The following MLIP variants were observed in gnomAD, a reference collection of about 807,000 sequenced individuals.
The protein encoded by MLIP is muscular LMNA interacting protein, also known as muscular LMNA-interacting protein.
Under a neutral mutation model 84.8 loss-of-function variants are expected in MLIP, and 79 were observed. The observed-to-expected ratio is 0.93, with a 90% confidence interval of 0.78 to 1.12. The LOEUF is 1.12. Among genes scored for constraint, MLIP ranks in the 50% most tolerant of loss-of-function variants. The pLI is 0.00. For missense variants in MLIP, 1,257 were observed against 1,160.6 expected, an observed-to-expected ratio of 1.08 and a Z score of -1.21; for synonymous variants, 504 against 463.0, an observed-to-expected ratio of 1.09 and a Z score of -1.14.
At chr6:54,197,618 C>CG (rs1778393444) in intron 10 of MLIP, among the ~76,000 whole-genome samples, 2 of 151,976 alleles carry the variant, frequency 1.3e-5, no homozygotes, top group African/African-American at 4.8e-5. Context: ...AGAGTCATTA[C>CG]ATTTTTTATT....
chr6:54,098,353 G>GA (rs1768384148), intron 1 of MLIP, among the ~76,000 whole-genome samples: 1 of 113,656 alleles, frequency 8.8e-6, no homozygotes, highest in Non-Finnish European at 1.7e-5. Context: ...TTTTTGTAGA[G>GA]ACAGGGTTTC....
In MLIP at chr6:54,189,875, T is replaced by A. The variant is rs775259660; in HGVS notation, c.2550T>A (p.Asn850Lys). Residue 850 changes from asparagine to lysine, a missense_variant, in exon 10 of 14, where the codon AAT becomes AAA. Coordinates refer to ENST00000502396, the MANE Select transcript of MLIP (RefSeq NM_001281747.2). ...RAAGRETKYA[N>K]LSSPSSTVSE... The stretch of plus-strand genomic sequence containing the variant: ...GCCATGTTTATGTTTTGCAGGCAAA[T>A]CTCTCCTCACCATCTTCTACAGTAT... 6.2e-7 allele frequency: 1 copy of A among 1,600,694 alleles called. No homozygotes were observed. Among genetic ancestry groups the A allele is most frequent in the Non-Finnish European group, 8.6e-7 (1 of 1,168,410 alleles).
intron 12 of MLIP, among the ~76,000 whole-genome samples, chr6:54,255,629 C>T (rs1782956211): frequency 1.3e-5 from 2 of 152,104 alleles, no homozygotes; most frequent in South Asian, 4.1e-4. Flanking sequence ...GGATAATCAA[C>T]ACATAGTTTT....
rs1355371105 is a variant in MLIP, at chr6:54,169,262, A to G, written c.2500-266A>G. 3.9e-5 allele frequency among the ~76,000 whole-genome samples: 6 copies of G among 151,900 alleles called. No homozygotes were observed. The South Asian group carries it at 8.3e-4, about 21-fold the overall frequency. The stretch of plus-strand genomic sequence containing the variant: ...ATTTTGAAATAGGCAAAAATTATGG[A>G]AGAAACATGAGGAAAGAACTATTAT... On this transcript the variant is annotated intron_variant, in intron 8 of 13. Transcript: ENST00000502396.
In MLIP at chr6:54,049,448, A is replaced by T. The variant is rs566398942; in HGVS notation, c.63+30357A>T. ...TTGCTGGTTCGTTATGAAGCTGCAG[A>T]AATACTGACACAAATGCTAGATTGA... On this transcript the variant is annotated intron_variant, in intron 1 of 12. Coordinates refer to the MLIP transcript ENST00000274897. Among the ~76,000 whole-genome samples, 12 of 152,326 alleles carry T rather than the reference A, an allele frequency of 7.9e-5. 1 individual carries two copies. In the South Asian group the frequency reaches 2.5e-3, roughly 32 times the overall value.
chr6:54,143,298 A>C (rs1296288894), intron 4 of MLIP, among the ~76,000 whole-genome samples: 4 of 150,372 alleles, frequency 2.7e-5, no homozygotes, highest in Admixed American at 6.7e-5. Flanking sequence ...GCTCACTGCA[A>C]CCTCTGCCTC....
intron 9 of MLIP, among the ~76,000 whole-genome samples, chr6:54,176,321 C>A (rs2792628): frequency 6.6e-6 from 1 of 151,532 alleles, no homozygotes; most frequent in Admixed American, 6.6e-5. Context: ...GGTATTAATT[C>A]TTCTTTAAAT....
At chr6:54,135,832 A>G (rs1052590080) in intron 3 of MLIP, among the ~76,000 whole-genome samples, 1 of 152,192 alleles carries the variant, frequency 6.6e-6, no homozygotes, top group Non-Finnish European at 1.5e-5. Flanking sequence ...AAATGGCACA[A>G]GACTACCTAC....
intron 1 of MLIP, among the ~76,000 whole-genome samples, chr6:54,053,852 C>A (rs1765502454): frequency 6.6e-6 from 1 of 152,098 alleles, no homozygotes; most frequent in South Asian, 2.1e-4. Context: ...GATACAAGTG[C>A]ACTAGTGGCT....
chr6:54,139,034 AC>A (rs749507271), intron 4 of MLIP, among the ~76,000 whole-genome samples: 8 of 152,180 alleles, frequency 5.3e-5, no homozygotes, highest in Admixed American at 1.3e-4. Context: ...GGATAAAGTG[AC>A]CCTCATTATC....
chr6:54,083,262 T>C (rs1356838798), intron 1 of MLIP, among the ~76,000 whole-genome samples: 2 of 152,168 alleles, frequency 1.3e-5, no homozygotes, highest in African/African-American at 4.8e-5. Context: ...ATTAGGTCCT[T>C]TTTTAACTTT....
In MLIP at chr6:54,160,587, T is replaced by C; in HGVS notation, c.2427T>C (p.Asp809=). 1 of 1,610,548 alleles carries C rather than the reference T, an allele frequency of 6.2e-7. No individual in the cohort carries two copies. Among genetic ancestry groups the C allele is most frequent in the Non-Finnish European group, 8.5e-7 (1 of 1,177,514 alleles). The stretch of plus-strand genomic sequence containing the variant: ...CTACCATTGATAAGGTCTTACAGGA[T>C]TCCTTGTCTATGGTAATGCTTTAGA... ...LCATIDKVLQ[D]SLSMHSSDSP... is the part of the protein sequence containing the mutation. The change falls in exon 7 of 14, where the codon GAT becomes GAC. Residue 809 remains aspartate (D), a synonymous_variant. Transcript: ENST00000502396.
chr6:54,043,841 T>C (rs1314520024), intron 1 of MLIP, among the ~76,000 whole-genome samples: 2 of 152,138 alleles, frequency 1.3e-5, no homozygotes, highest in African/African-American at 2.4e-5. Flanking sequence ...ACAGAAAATA[T>C]GTGTCATGGT....
At chr6:54,203,283 G>C (rs901224516) in intron 11 of MLIP, among the ~76,000 whole-genome samples, 8 of 152,040 alleles carry the variant, frequency 5.3e-5, no homozygotes, top group African/African-American at 1.9e-4. Context: ...ATTTTATTGA[G>C]AGATTGAAAT....
intron 10 of MLIP, among the ~76,000 whole-genome samples, chr6:54,196,862 T>C (rs1363327277): frequency 6.6e-6 from 1 of 152,056 alleles, no homozygotes; most frequent in African/African-American, 2.4e-5. Context: ...GTAACTGCTG[T>C]GGAGAAAATA....
Position 54,137,463 on chromosome 6 carries a change from C to G in MLIP, c.1394C>G (p.Ser465Cys), listed in dbSNP as rs1160840611. ...EKQTPPTPKKSLSSCSLRAGS... is the reference protein window; with the variant it reads ...EKQTPPTPKKCLSSCSLRAGS... ...CAGACCCCACCCACGCCTAAAAAAT[C>G]TCTCTCAAGTTGTTCCCTGAGAGCC... is the stretch of plus-strand genomic sequence containing the variant. Residue 465 changes from serine (S) to cysteine (C), a missense_variant, in exon 4 of 14, where the codon TCT becomes TGT. Coordinates refer to ENST00000502396, the MANE Select transcript of MLIP (RefSeq NM_001281747.2). 1 of 1,535,960 alleles carries G rather than the reference C, an allele frequency of 6.5e-7. No individual in the cohort carries two copies. The highest frequency in any genetic ancestry group is 2.4e-5 in the East Asian group (1 of 40,904).
intron 1 of MLIP, among the ~76,000 whole-genome samples, chr6:54,098,556 T>A (rs1431401101): frequency 1.3e-5 from 2 of 151,730 alleles, no homozygotes; most frequent in Non-Finnish European, 2.9e-5. Flanking sequence ...AAGACTTTCT[T>A]GAAGATGAAA....
intron 9 of MLIP, among the ~76,000 whole-genome samples, chr6:54,184,255 G>T (rs769967929): frequency 9.2e-5 from 14 of 152,100 alleles, no homozygotes; most frequent in Non-Finnish European, 1.9e-4. Context: ...CATCTTAACG[G>T]TATCAAACCT....
chr6:54,142,007 C>T (rs1478985304), intron 4 of MLIP, among the ~76,000 whole-genome samples: 2 of 152,200 alleles, frequency 1.3e-5, no homozygotes, highest in Non-Finnish European at 2.9e-5. Context: ...GACATCAAAA[C>T]ATTCCCAAAT....
Sources: allele counts gnomAD v4.1 joint callset (sites outside exome capture counted in the v4.1 genomes callset), GRCh38; gene constraint gnomAD v4.1.1; transcripts MANE v1.5; gene names NCBI Gene and HGNC (gene_info 2026-07-23, HGNC 2026-07-21).